The following GPC6 variants were observed in gnomAD, a reference collection of about 807,000 sequenced individuals.
The protein encoded by GPC6 is glypican-6.
In GPC6, 14 loss-of-function variants were observed where a neutral mutation model predicts 55.2. The ratio of observed to expected loss-of-function variants is 0.25; its 90% CI spans 0.17 to 0.40. GPC6 has a LOEUF of 0.40. Among genes scored for constraint, GPC6 ranks in the 10% least tolerant of loss-of-function variants. The pLI is 1.00. For synonymous variants in GPC6, 278 were observed against 259.6 expected (o/e 1.07, Z -0.68); for missense variants, 641 against 708.5 (o/e 0.90, Z 1.08).
chr13:93,444,390 C>T (rs903574675), intron 1 of GPC6, among the ~76,000 whole-genome samples: 3 of 152,130 alleles, frequency 2.0e-5, no homozygotes, highest in South Asian at 4.1e-4. Flanking sequence ...GGGTGGATCA[C>T]GAGGTCAGAG....
At chr13:94,040,331 AATT>A (rs1414491109) in intron 4 of GPC6, among the ~76,000 whole-genome samples, 3 of 151,880 alleles carry the variant, frequency 2.0e-5, no homozygotes, top group Non-Finnish European at 4.4e-5. Flanking sequence ...GGACCAAGGT[AATT>A]ATTCATTGGT....
At chr13:94,098,707 A>G (rs1037760744) in intron 4 of GPC6, among the ~76,000 whole-genome samples, 1 of 152,076 alleles carries the variant, frequency 6.6e-6, no homozygotes, top group Admixed American at 6.5e-5. Flanking sequence ...GGGAGATTCA[A>G]CTTTCGTATG....
At chr13:93,302,058 C>G (rs933927358) in intron 1 of GPC6, among the ~76,000 whole-genome samples, 1 of 152,130 alleles carries the variant, frequency 6.6e-6, no homozygotes, top group Admixed American at 6.5e-5. Context: ...AATTGGGTCA[C>G]TGTATATTTT....
At chr13:94,367,091 A>G (rs1272403066) in intron 6 of GPC6, among the ~76,000 whole-genome samples, 1 of 152,266 alleles carries the variant, frequency 6.6e-6, no homozygotes, top group African/African-American at 2.4e-5. Context: ...CTTCATTGAT[A>G]TCTGTCATTA....
At position 93,905,978 on chromosome 13, in the gene GPC6, T is replaced by C. The variant is rs1163463826; in HGVS notation, c.711+75433T>C. On this transcript the variant is annotated intron_variant, in intron 3 of 8. Transcript: ENST00000377047. ...AATCAATGAATCTTAGAATAAATAC[T>C]GACTTTGAGTATCTGTAACATGTTG... Among the ~76,000 whole-genome samples, 3 of 152,208 alleles carry C rather than the reference T, an allele frequency of 2.0e-5. No individual in the cohort carries two copies. In the East Asian group the frequency reaches 5.8e-4, roughly 29 times the overall value.
chr13:93,430,918 T>C (rs1877333658), intron 1 of GPC6, among the ~76,000 whole-genome samples: 1 of 152,158 alleles, frequency 6.6e-6, no homozygotes, highest in Admixed American at 6.6e-5. Flanking sequence ...CTGATAGCTC[T>C]CAGACTGGTT....
At chr13:93,377,005 T>A (rs1368061104) in intron 1 of GPC6, among the ~76,000 whole-genome samples, 2 of 152,242 alleles carry the variant, frequency 1.3e-5, no homozygotes, top group Non-Finnish European at 2.9e-5. Context: ...ATAATTTATG[T>A]TCTGAAATCT....
chr13:93,718,328 C>G (rs1883326702), intron 2 of GPC6, among the ~76,000 whole-genome samples: 1 of 151,882 alleles, frequency 6.6e-6, no homozygotes, highest in South Asian at 2.1e-4. Flanking sequence ...TGATATCTCA[C>G]TGTGGTTTTG....
chr13:94,373,501 G>C (rs151283409), intron 6 of GPC6, among the ~76,000 whole-genome samples: 1 of 152,026 alleles, frequency 6.6e-6, no homozygotes, highest in Non-Finnish European at 1.5e-5. Flanking sequence ...AAGCGAGAAC[G>C]GAAGTTTAGA....
intron 1 of GPC6, among the ~76,000 whole-genome samples, chr13:93,231,396 T>TATAC (rs1491170403): frequency 1.1e-4 from 3 of 27,038 alleles, no homozygotes; most frequent in African/African-American, 3.6e-4. Flanking sequence ...TATATATATA[T>TATAC]GTATATATAT....
chr13:93,580,750 T>A (rs1235767450), intron 2 of GPC6, among the ~76,000 whole-genome samples: 1 of 152,162 alleles, frequency 6.6e-6, no homozygotes, highest in East Asian at 1.9e-4. Context: ...GAATATAATT[T>A]TTCCTTTATA....
chr13:93,884,085 T>C (rs1034876533), intron 3 of GPC6, among the ~76,000 whole-genome samples: 1 of 152,126 alleles, frequency 6.6e-6, no homozygotes, highest in South Asian at 2.1e-4. Context: ...ATGTTTTTCA[T>C]GTAAGAAAAG....
intron 2 of GPC6, among the ~76,000 whole-genome samples, chr13:93,731,064 G>A (rs548523928): frequency 5.9e-5 from 9 of 152,150 alleles, no homozygotes; most frequent in Non-Finnish European, 8.8e-5. Flanking sequence ...GGTCCACAGG[G>A]CTTTGTCATG....
At chr13:93,687,011 A>G (rs1882074354) in intron 2 of GPC6, among the ~76,000 whole-genome samples, 1 of 152,096 alleles carries the variant, frequency 6.6e-6, no homozygotes, top group Non-Finnish European at 1.5e-5. Flanking sequence ...ACAATAAATT[A>G]AAATACTGTA....
chr13:93,960,364 G>A (rs1257795377), intron 3 of GPC6, among the ~76,000 whole-genome samples: 3 of 152,142 alleles, frequency 2.0e-5, no homozygotes, highest in African/African-American at 4.8e-5. Flanking sequence ...TCACAGTCAC[G>A]GATCTCCGTA....
At chr13:94,123,684 T>A (rs1275263906) in intron 4 of GPC6, among the ~76,000 whole-genome samples, 2 of 152,014 alleles carry the variant, frequency 1.3e-5, no homozygotes, top group Non-Finnish European at 2.9e-5. Flanking sequence ...TTTGTATGCA[T>A]GCACGCATAT....
intron 1 of GPC6, among the ~76,000 whole-genome samples, chr13:93,398,085 G>A (rs1049992605): frequency 2.2e-4 from 33 of 152,274 alleles, no homozygotes; most frequent in Middle Eastern, 6.8e-3. Flanking sequence ...CATTTAGGCA[G>A]TAGCTTTTCA....
At chr13:93,284,241 C>T (rs1878040335) in intron 1 of GPC6, among the ~76,000 whole-genome samples, 2 of 152,152 alleles carry the variant, frequency 1.3e-5, no homozygotes, top group Non-Finnish European at 2.9e-5. Context: ...TCCCTTAGGG[C>T]ACGGCAGCAG....
At chr13:93,950,883 A>G (rs1291882369) in intron 3 of GPC6, among the ~76,000 whole-genome samples, 1 of 152,058 alleles carries the variant, frequency 6.6e-6, no homozygotes, top group Admixed American at 6.5e-5. Flanking sequence ...TGTGCCTTCC[A>G]TGGTGACTGG....
Sources: allele counts gnomAD v4.1 joint callset (sites outside exome capture counted in the v4.1 genomes callset), GRCh38; gene constraint gnomAD v4.1.1; transcripts MANE v1.5; gene names NCBI Gene and HGNC (gene_info 2026-07-23, HGNC 2026-07-21).